The following DNAH9 variants were observed in gnomAD, a reference collection of about 807,000 sequenced individuals.
The protein encoded by DNAH9 is DNAH9 variant protein.
A neutral mutation model predicts 471.6 loss-of-function variants in DNAH9; 345 were observed. The ratio of observed to expected loss-of-function variants is 0.73; its 90% CI spans 0.67 to 0.80. The LOEUF (loss-of-function observed/expected upper bound fraction) is 0.80. DNAH9 is among the 30% of genes least tolerant of loss of function. The pLI, the probability that DNAH9 is intolerant of heterozygous loss-of-function variation, is 0.00. For synonymous variants in DNAH9, 2,093 were observed against 2,123.6 expected (o/e 0.99, Z 0.40); for missense variants, 5,407 against 5,609.2 (o/e 0.96, Z 1.15).
At chr17:11,738,037 A>G (rs529152388) in intron 28 of DNAH9, among the ~76,000 whole-genome samples, 2 of 152,344 alleles carry the variant, frequency 1.3e-5, no homozygotes, top group South Asian at 4.1e-4. Flanking sequence ...CCATCACACA[A>G]TACCTGAAAG....
chr17:11,647,295 G>A (rs1037221991), intron 12 of DNAH9, 97 bp downstream of exon 12: 12 of 1,250,850 alleles, frequency 9.6e-6, no homozygotes, highest in Admixed American at 4.0e-5. Context: ...TTTTTGAGAC[G>A]GAGTTTCACT....
Position 11,689,841 on chromosome 17 carries a change from C to A in DNAH9, c.4019C>A (p.Ala1340Asp). 1.2e-6 allele frequency: 2 copies of A among 1,612,220 alleles called. No individual in the cohort carries two copies. Among genetic ancestry groups the A allele is most frequent in the Non-Finnish European group, 8.5e-7 (1 of 1,178,960 alleles). Reference sequence around the variant, plus strand: ...ATGGAGTTGGAGTGCAAACAGTTTGCCCGGCATATCCGAAACCTGGACAAG... The same window carrying A: ...ATGGAGTTGGAGTGCAAACAGTTTGACCGGCATATCCGAAACCTGGACAAG... ...EAMELECKQF[A>D]RHIRNLDKEV... Residue 1340 changes from alanine to aspartate, a missense_variant, in exon 20 of 69, where the codon GCC becomes GAC. By Grantham distance (126) the Ala-to-Asp change is moderately radical. Around this residue, in one of 3 missense-constraint regions of DNAH9, gnomAD observed 4,636 missense variants for 4,900.3 expected, o/e 0.95. Coordinates refer to ENST00000262442, the MANE Select transcript of DNAH9 (RefSeq NM_001372.4).
intron 67 of DNAH9, among the ~76,000 whole-genome samples, chr17:11,951,611 C>T (rs1472265497): frequency 6.6e-6 from 1 of 151,606 alleles, no homozygotes; most frequent in South Asian, 2.1e-4. Flanking sequence ...CATAGTGAGA[C>T]CCTATCTTGA....
Position 11,705,162 on chromosome 17 carries a change from G to A in DNAH9, c.5529G>A (p.Leu1843=). ...AGTACCTGGGAAACACACCTCGCTT[G>A]GTGATCACACCTTTGACTGACAGGT... The part of the protein sequence containing the change: ...SYEYLGNTPR[L]VITPLTDRCY... Residue 1843 remains leucine, a synonymous_variant, in exon 26 of 69, where the codon TTG becomes TTA. Coordinates refer to ENST00000262442, the MANE Select transcript of DNAH9 (RefSeq NM_001372.4). 1 of 1,614,096 alleles carries A rather than the reference G, an allele frequency of 6.2e-7. No individual in the cohort carries two copies. The highest frequency in any genetic ancestry group is 1.3e-5 in the African/African-American group (1 of 75,054).
chr17:11,719,532 AG>A, intron 27 of DNAH9, 42 bp downstream of exon 27: 2 of 1,566,242 alleles, frequency 1.3e-6, no homozygotes, highest in Middle Eastern at 1.7e-4. Flanking sequence ...GGTGGGGGAT[AG>A]GAACTCAGGG....
At chr17:11,866,400 G>A (rs1018002478) in intron 50 of DNAH9, among the ~76,000 whole-genome samples, 5 of 152,036 alleles carry the variant, frequency 3.3e-5, no homozygotes, top group African/African-American at 9.7e-5. Flanking sequence ...AGGAGTACCC[G>A]GCCGTGTGAG....
At chr17:11,774,060 TG>T (rs1968325167) in intron 38 of DNAH9, among the ~76,000 whole-genome samples, 1 of 152,020 alleles carries the variant, frequency 6.6e-6, no homozygotes, top group South Asian at 2.1e-4. Context: ...CGCTTAAACC[TG>T]GGAGGTTGAG....
intron 43 of DNAH9, among the ~76,000 whole-genome samples, chr17:11,802,686 G>A (rs991369490): frequency 2.0e-5 from 3 of 150,270 alleles, no homozygotes; most frequent in Admixed American, 6.6e-5. Flanking sequence ...CAGAGCAGAC[G>A]AGGAAGGAGA....
chr17:11,921,511 C>G (rs1974138245), intron 61 of DNAH9, among the ~76,000 whole-genome samples: 1 of 151,994 alleles, frequency 6.6e-6, no homozygotes, highest in African/African-American at 2.4e-5. Context: ...AGAGATGAGT[C>G]ACAAGCAGTA....
chr17:11,629,413 A>T lies in DNAH9; in HGVS notation c.1351-4A>T, dbSNP rs1299116646. Reference sequence around the variant, plus strand: ...TTTAACTTTTTTGTGAATTGTCCCCATAGGGTCTTCTGAAGACGGCCCTGG... The same window carrying T: ...TTTAACTTTTTTGTGAATTGTCCCCTTAGGGTCTTCTGAAGACGGCCCTGG... On this transcript the variant is annotated splice_polypyrimidine_tract_variant and splice_region_variant and intron_variant, in intron 6 of 68. Transcript: ENST00000262442. 1 of 1,613,356 alleles carries T rather than the reference A, an allele frequency of 6.2e-7. No homozygotes were observed. The highest frequency in any genetic ancestry group is 8.5e-7 in the Non-Finnish European group (1 of 1,179,572).
intron 61 of DNAH9, among the ~76,000 whole-genome samples, chr17:11,917,733 A>C (rs1974002833): frequency 6.6e-6 from 1 of 152,240 alleles, no homozygotes; most frequent in African/African-American, 2.4e-5. Context: ...TGAAAAGCCG[A>C]GAGTACAGTA....
intron 26 of DNAH9, among the ~76,000 whole-genome samples, chr17:11,712,583 A>G (rs1339608584): frequency 3.9e-5 from 6 of 152,106 alleles, no homozygotes; most frequent in Non-Finnish European, 8.8e-5. Context: ...GACAATATTT[A>G]CTATTGTCCG....
At chr17:11,875,339 A>G (rs1460362189) in intron 53 of DNAH9, among the ~76,000 whole-genome samples, 155 bp downstream of exon 53, 4 of 152,086 alleles carry the variant, frequency 2.6e-5, no homozygotes, top group Non-Finnish European at 2.9e-5. Flanking sequence ...AAACATCTCA[A>G]TGAAAGATGC....
intron 67 of DNAH9, among the ~76,000 whole-genome samples, chr17:11,957,519 T>C (rs1975708287): frequency 1.3e-5 from 2 of 149,514 alleles, no homozygotes; most frequent in South Asian, 4.2e-4. Flanking sequence ...AGGGACATGA[T>C]AGTGAGTTTC....
rs981937944 is a variant in DNAH9, at chr17:11,680,091, T to G, written c.3576+112T>G. ...AAAAACAGGGCTTGGAGCTGCAAGA[T>G]CCGTGTTTTGGAACTATAATGTGTA... is the stretch of plus-strand genomic sequence containing the variant. On this transcript the variant is annotated intron_variant, in intron 18 of 68. Coordinates refer to ENST00000262442, the MANE Select transcript of DNAH9 (RefSeq NM_001372.4). 1.1e-5 allele frequency: 9 copies of G among 817,514 alleles called. No homozygotes were observed. The African/African-American group carries it at 1.6e-4, about 14-fold the overall frequency. 50.6% of individuals were successfully genotyped at this position (817,514 alleles called of 1,614,324 possible). A position where few individuals can be genotyped will look rare whatever the true frequency, so the allele number is the denominator to read the frequency against.
chr17:11,869,702 A>G (rs1972192194), intron 51 of DNAH9, among the ~76,000 whole-genome samples: 1 of 152,354 alleles, frequency 6.6e-6, no homozygotes, highest in African/African-American at 2.4e-5. Context: ...ACACACAGAC[A>G]CACATATACA....
chr17:11,870,475 C>A (rs970382534), intron 51 of DNAH9, among the ~76,000 whole-genome samples: 3 of 152,172 alleles, frequency 2.0e-5, no homozygotes, highest in African/African-American at 4.8e-5. Flanking sequence ...ATGTTTTAAT[C>A]TGGGGAACAG....
At chr17:11,904,630 CAAAAAAAAAAAAAAAA>C (rs202059757) in intron 60 of DNAH9, among the ~76,000 whole-genome samples, 3 of 111,482 alleles carry the variant, frequency 2.7e-5, no homozygotes, top group African/African-American at 5.0e-5. Flanking sequence ...GACTCCATCT[CAAAAAAAAAAAAAAAA>C]AAAAAAAAAA....
At position 11,623,654 on chromosome 17, in the gene DNAH9, G is replaced by C. The variant is rs2072917324; in HGVS notation, c.1350+3873G>C. On this transcript the variant is annotated intron_variant, in intron 6 of 68. Coordinates refer to ENST00000262442, the MANE Select transcript of DNAH9 (RefSeq NM_001372.4). The surrounding 1 kb of genome is among the most constrained non-coding windows in gnomAD (Gnocchi z 4.1). ...CTGTGTATCTCTGTGATCGATGCCT[G>C]ATTGAAATGGGATTAATCTGCTCCT... Among the ~76,000 whole-genome samples the C allele has an allele frequency of 6.6e-6, 1 of 152,122 alleles. No homozygotes were observed. The highest frequency in any genetic ancestry group is 2.1e-4 in the South Asian group (1 of 4,812).
Sources: gnomAD v4.1 joint callset for allele counts (sites outside exome capture counted in the v4.1 genomes callset) on GRCh38, gnomAD v4.1.1 for gene constraint, gnomAD v4.1.1 regional missense constraint, Gnocchi (gnomAD v3.1) non-coding constraint, MANE v1.5 for transcripts, NCBI Gene and HGNC (gene_info 2026-07-23, HGNC 2026-07-21) for gene names.